KAZN: variants seen among roughly 807,000 people sequenced by gnomAD.
The protein encoded by KAZN is kazrin, periplakin interacting protein.
In KAZN, 40 loss-of-function variants were observed where a neutral mutation model predicts 87.4. The observed-to-expected ratio is 0.46, with a 90% CI of 0.36 to 0.60. The LOEUF (loss-of-function observed/expected upper bound fraction) is 0.60, where lower values mean the gene tolerates loss of function less well. Among genes scored for constraint, KAZN ranks in the 20% least tolerant of loss-of-function variants. The probability of loss-of-function intolerance (pLI) is 0.00; values close to 1 mark genes in which losing one functional copy is unlikely to be tolerated. For synonymous variants in KAZN, 466 were observed against 458.3 expected (o/e 1.02, Z -0.22); for missense variants, 898 against 1,073.9 (o/e 0.84, Z 2.29).
At chr1:14,698,036 T>C (rs185753191) in intron 1 of KAZN, among the ~76,000 whole-genome samples, 15 of 152,326 alleles carry the variant, frequency 9.8e-5, no homozygotes, top group Admixed American at 2.0e-4. Context: ...TGGCCAAGCC[T>C]TGGCCAGGTT....
chr1:14,947,508 ACT>A (rs1334391196), intron 1 of KAZN, among the ~76,000 whole-genome samples: 1 of 152,178 alleles, frequency 6.6e-6, no homozygotes, highest in East Asian at 1.9e-4. Context: ...CCCAATTTCA[ACT>A]CTGTGTCCAC....
chr1:15,099,748 AC>A lies in KAZN; in HGVS notation c.1548-1790del, dbSNP rs1294160113. Among the ~76,000 whole-genome samples the A allele has an allele frequency of 6.6e-6, 1 of 151,852 alleles. No individual in the cohort carries two copies. Among genetic ancestry groups the A allele is most frequent in the Non-Finnish European group, 1.5e-5 (1 of 67,954 alleles). On this transcript the variant is annotated intron_variant, in intron 10 of 14. Transcript: ENST00000376030. The surrounding 1 kb of genome is among the most constrained non-coding windows in gnomAD (Gnocchi z 5.4). ...ACGGTCACACTGACATTTTAAAAGG[AC>A]CCCCTGGTGGTCCTGGGGGATGCGG...
chr1:14,076,354 G>A (rs941249314), intron 1 of KAZN, among the ~76,000 whole-genome samples: 2 of 152,154 alleles, frequency 1.3e-5, no homozygotes, highest in African/African-American at 4.8e-5. Context: ...AGATCAGGGT[G>A]ATGTATCCAC....
chr1:14,675,937 ACAC>A (rs1640191053), intron 1 of KAZN, among the ~76,000 whole-genome samples: 2 of 152,040 alleles, frequency 1.3e-5, no homozygotes, highest in Admixed American at 1.3e-4. Flanking sequence ...GCCCTGCTCT[ACAC>A]CCCGAGTATG....
chr1:14,797,492 G>T (rs1038345773), intron 1 of KAZN, among the ~76,000 whole-genome samples: 6 of 152,210 alleles, frequency 3.9e-5, no homozygotes, highest in African/African-American at 1.4e-4. Context: ...GGATTAGAAA[G>T]TGTGTTGGAA....
Position 14,397,463 on chromosome 1 carries a change from C to T in KAZN, c.250-201520C>T, listed in dbSNP as rs75152196. 5.3e-3 allele frequency among the ~76,000 whole-genome samples: 806 copies of T among 152,222 alleles called. 6 individuals carry two copies. The highest frequency in any genetic ancestry group is 0.019 in the African/African-American group (779 of 41,538). ...TCACCCCCATTTACCCCCATTTCACCCCACTTCCAAACATGACATTGAGTG... is the reference window on the plus strand; with the variant it reads ...TCACCCCCATTTACCCCCATTTCACTCCACTTCCAAACATGACATTGAGTG... On this transcript the variant is annotated intron_variant, in intron 2 of 16. Coordinates refer to the KAZN transcript ENST00000636203.
At chr1:14,143,499 C>T (rs949307664) in intron 1 of KAZN, among the ~76,000 whole-genome samples, 1 of 152,184 alleles carries the variant, frequency 6.6e-6, no homozygotes. Flanking sequence ...ATTCTTCCTG[C>T]GCCCTCATAC....
intron 2 of KAZN, among the ~76,000 whole-genome samples, chr1:14,247,853 T>C (rs1040033806): frequency 1.3e-5 from 2 of 152,152 alleles, no homozygotes; most frequent in African/African-American, 4.8e-5. Context: ...GGCAATAATC[T>C]TCATGTACGC....
chr1:14,803,963 A>T (rs987261714), intron 1 of KAZN, among the ~76,000 whole-genome samples: 6 of 152,242 alleles, frequency 3.9e-5, no homozygotes, highest in Non-Finnish European at 8.8e-5. Context: ...ACCCAGAAAG[A>T]TAAACACTGT....
At chr1:14,066,199 T>C (rs1179931352) in intron 1 of KAZN, among the ~76,000 whole-genome samples, 1 of 152,222 alleles carries the variant, frequency 6.6e-6, no homozygotes, top group African/African-American at 2.4e-5. Flanking sequence ...TGATGTATAT[T>C]TTCTTTATCC....
intron 8 of KAZN, among the ~76,000 whole-genome samples, chr1:15,085,172 G>A (rs758306283): frequency 2.6e-5 from 4 of 152,154 alleles, no homozygotes; most frequent in South Asian, 4.2e-4. Flanking sequence ...AGAATGCAAC[G>A]CACAGAGATG....
intron 8 of KAZN, among the ~76,000 whole-genome samples, chr1:15,076,731 G>A (rs1639775943): frequency 6.6e-6 from 1 of 152,202 alleles, no homozygotes; most frequent in African/African-American, 2.4e-5. Context: ...AGGATGCAAT[G>A]AGCTCATGCT....
intron 2 of KAZN, among the ~76,000 whole-genome samples, chr1:14,481,112 T>C (rs2148391464): frequency 6.6e-6 from 1 of 152,162 alleles, no homozygotes; most frequent in Non-Finnish European, 1.5e-5. Flanking sequence ...GTATAATGAA[T>C]AGATCAATCT....
chr1:14,883,058 G>A lies in KAZN; in HGVS notation c.227-77626G>A, dbSNP rs376057580. Among the ~76,000 whole-genome samples, 43 of 152,114 alleles carry A rather than the reference G, an allele frequency of 2.8e-4. No individual in the cohort carries two copies. In the South Asian group the frequency reaches 8.7e-3, roughly 31 times the overall value. On this transcript the variant is annotated intron_variant, in intron 1 of 14. Transcript: ENST00000376030. Reference sequence around the variant, plus strand: ...TACCTGTAATCCCAGCACTTTGGGAGGCTGAGGTGGGTGGATCACCTGAGG... The same window carrying A: ...TACCTGTAATCCCAGCACTTTGGGAAGCTGAGGTGGGTGGATCACCTGAGG...
intron 2 of KAZN, among the ~76,000 whole-genome samples, chr1:14,328,418 A>T (rs1656596521): frequency 6.6e-6 from 1 of 152,086 alleles, no homozygotes; most frequent in Admixed American, 6.5e-5. Flanking sequence ...AAGAAACTCT[A>T]AGAGGCCAGG....
At chr1:14,493,707 T>TTATATTTCTTATATTCAAATA (rs1669799738) in intron 2 of KAZN, among the ~76,000 whole-genome samples, 1 of 152,220 alleles carries the variant, frequency 6.6e-6, no homozygotes, top group Admixed American at 6.5e-5. Flanking sequence ...TGAAGATGTC[T>TTATATTTCTTATATTCAAATA]TATTTCTTAT....
intron 1 of KAZN, among the ~76,000 whole-genome samples, chr1:14,921,577 T>C (rs1658531031): frequency 6.6e-6 from 1 of 152,218 alleles, no homozygotes; most frequent in Non-Finnish European, 1.5e-5. Context: ...TACAGCCTCC[T>C]CTACAGGGGC....
chr1:14,421,020 A>C (rs1665386882), intron 2 of KAZN, among the ~76,000 whole-genome samples: 1 of 152,018 alleles, frequency 6.6e-6, no homozygotes, highest in Non-Finnish European at 1.5e-5. Context: ...GCGCGGCCAG[A>C]GTGGGCGCCG....
intron 1 of KAZN, among the ~76,000 whole-genome samples, chr1:14,672,072 T>C (rs1482765686): frequency 1.3e-5 from 2 of 152,218 alleles, no homozygotes; most frequent in African/African-American, 4.8e-5. Flanking sequence ...GTCCTTATTT[T>C]TTTTTTCTTT....
Sources: allele counts gnomAD v4.1 joint callset (sites outside exome capture counted in the v4.1 genomes callset), GRCh38; gene constraint gnomAD v4.1.1; non-coding constraint Gnocchi (gnomAD v3.1); transcripts MANE v1.5; gene names NCBI Gene and HGNC (gene_info 2026-07-23, HGNC 2026-07-21).